C8orf34: variants seen among roughly 807,000 people sequenced by gnomAD.
C8orf34 encodes the protein chromosome 8 open reading frame 34, also known as uncharacterized protein C8orf34.
Under a neutral mutation model 68.3 loss-of-function variants are expected in C8orf34, and 65 were observed. The ratio of observed to expected loss-of-function variants is 0.95; its 90% CI spans 0.78 to 1.17. The LOEUF is 1.17. Ranked by LOEUF, C8orf34 falls within the 50% of genes most tolerant of loss-of-function variation. C8orf34 has a pLI of 0.00. For missense variants in C8orf34, 664 were observed against 655.4 expected, an observed-to-expected ratio of 1.01 and a Z score of -0.14; for synonymous variants, 244 against 241.2, an observed-to-expected ratio of 1.01 and a Z score of -0.11.
chr8:68,339,051 A>G (rs2138678), intron 1 of C8orf34, among the ~76,000 whole-genome samples: 1 of 151,536 alleles, frequency 6.6e-6, no homozygotes, highest in Non-Finnish European at 1.5e-5. Flanking sequence ...GCCCATTTTT[A>G]TTTGGGTTGT....
chr8:68,420,724 A>C (rs919314992), intron 1 of C8orf34, among the ~76,000 whole-genome samples: 1 of 152,196 alleles, frequency 6.6e-6, no homozygotes, highest in African/African-American at 2.4e-5. Context: ...TTTCTGTATA[A>C]AATCTAAAAT....
intron 7 of C8orf34, among the ~76,000 whole-genome samples, chr8:68,570,297 CT>C (rs1816724388): frequency 6.6e-6 from 1 of 152,178 alleles, no homozygotes; most frequent in Non-Finnish European, 1.5e-5. Context: ...CCTACTCATC[CT>C]GAGAAAGCTT....
chr8:68,680,753 G>A (rs1441189745), intron 8 of C8orf34, among the ~76,000 whole-genome samples: 1 of 152,108 alleles, frequency 6.6e-6, no homozygotes, highest in African/African-American at 2.4e-5. Context: ...CTATTGTCTT[G>A]ATAAACATCT....
chr8:68,507,143 T>C (rs1232366696), intron 5 of C8orf34, among the ~76,000 whole-genome samples: 2 of 152,240 alleles, frequency 1.3e-5, no homozygotes, highest in African/African-American at 2.4e-5. Flanking sequence ...AATAAAGTCA[T>C]GCAAATTTTT....
At chr8:68,616,414 C>T (rs570156561) in intron 7 of C8orf34, among the ~76,000 whole-genome samples, 2 of 152,138 alleles carry the variant, frequency 1.3e-5, no homozygotes, top group African/African-American at 2.4e-5. Context: ...CCTGCTTTCT[C>T]TTGTGGGCAT....
At chr8:68,630,945 A>T (rs377358663) in intron 7 of C8orf34, among the ~76,000 whole-genome samples, 14 of 118,332 alleles carry the variant, frequency 1.2e-4, no homozygotes, top group African/African-American at 2.4e-4. Context: ...ATGCCCAGCT[A>T]TTTTTTTTTT....
At chr8:68,494,622 G>A (rs1349886020) in intron 5 of C8orf34, among the ~76,000 whole-genome samples, 8 of 152,048 alleles carry the variant, frequency 5.3e-5, no homozygotes, top group Admixed American at 2.0e-4. Context: ...TTGGTAGGCC[G>A]AGGAGGTGGA....
At chr8:68,586,269 T>C (rs1817207765) in intron 7 of C8orf34, among the ~76,000 whole-genome samples, 1 of 152,164 alleles carries the variant, frequency 6.6e-6, no homozygotes, top group South Asian at 2.1e-4. Flanking sequence ...AATATGCACT[T>C]ACATCAAAAA....
At chr8:68,358,937 G>A (rs1312307036) in intron 1 of C8orf34, among the ~76,000 whole-genome samples, 1 of 152,042 alleles carries the variant, frequency 6.6e-6, no homozygotes, top group Non-Finnish European at 1.5e-5. Flanking sequence ...GGCCTCAAGT[G>A]ATCCACCCAC....
chr8:68,468,247 A>G (rs1167098507), intron 3 of C8orf34, among the ~76,000 whole-genome samples: 1 of 152,016 alleles, frequency 6.6e-6, no homozygotes, highest in Non-Finnish European at 1.5e-5. Context: ...CTTCACTGTA[A>G]TGTAATTTTA....
intron 7 of C8orf34, among the ~76,000 whole-genome samples, chr8:68,558,237 G>A (rs995290621): frequency 9.2e-5 from 14 of 152,156 alleles, no homozygotes; most frequent in African/African-American, 3.4e-4. Context: ...CTATTAGGCA[G>A]TGAAGCTAGC....
intron 10 of C8orf34, among the ~76,000 whole-genome samples, chr8:68,754,125 G>A (rs76191996): frequency 0.021 from 3,158 of 152,182 alleles, 121 homozygotes; most frequent in African/African-American, 0.071. Context: ...AATAAAAAAG[G>A]GCCGGGAGCA....
At chr8:68,437,405 A>G (rs544040381) in intron 1 of C8orf34, among the ~76,000 whole-genome samples, 29 of 152,284 alleles carry the variant, frequency 1.9e-4, no homozygotes, top group Non-Finnish European at 2.5e-4. Flanking sequence ...ATTTTGCTTT[A>G]CCTGAGTGTC....
intron 5 of C8orf34, among the ~76,000 whole-genome samples, chr8:68,509,907 C>G (rs1051123212): frequency 1.3e-5 from 2 of 152,256 alleles, no homozygotes; most frequent in East Asian, 3.9e-4. Flanking sequence ...TGCTTTTATC[C>G]ACATACATCC....
chr8:68,721,222 T>C, intron 9 of C8orf34, 139 bp from the exon 10 acceptor site: 1 of 566,080 alleles, frequency 1.8e-6, no homozygotes. Flanking sequence ...TATTTCACGT[T>C]CTATTTTAAC....
chr8:68,417,649 C>A (rs1409015631), intron 1 of C8orf34, among the ~76,000 whole-genome samples: 1 of 151,844 alleles, frequency 6.6e-6, no homozygotes, highest in Non-Finnish European at 1.5e-5. Flanking sequence ...AAACTTTGGA[C>A]CAAGAATGAA....
intron 1 of C8orf34, among the ~76,000 whole-genome samples, chr8:68,414,148 C>G (rs1809564113): frequency 6.6e-6 from 1 of 152,172 alleles, no homozygotes; most frequent in African/African-American, 2.4e-5. Context: ...CTTGATCACC[C>G]TATGTAATAT....
intron 7 of C8orf34, among the ~76,000 whole-genome samples, chr8:68,590,449 A>C (rs1012715456): frequency 3.3e-5 from 5 of 152,162 alleles, no homozygotes; most frequent in Admixed American, 2.6e-4. Context: ...CAGAGAACTC[A>C]GGATATTAAC....
chr8:68,443,257 C>T (rs143335634), intron 2 of C8orf34, among the ~76,000 whole-genome samples: 6 of 151,862 alleles, frequency 4.0e-5, no homozygotes, highest in East Asian at 3.9e-4. Context: ...TTAGAGGGAA[C>T]GTATGGCAGG....
Sources: allele counts gnomAD v4.1 joint callset (sites outside exome capture counted in the v4.1 genomes callset), GRCh38; gene constraint gnomAD v4.1.1; transcripts MANE v1.5; gene names NCBI Gene and HGNC (gene_info 2026-07-23, HGNC 2026-07-21).